Variants in GDA observed in about 807,000 individuals in gnomAD.
The protein encoded by GDA is cytoplasmic PSD-95 interactor.
In GDA, 18 loss-of-function variants were observed where a neutral mutation model predicts 59.6. The ratio of observed to expected loss-of-function variants is 0.30; its 90% confidence interval spans 0.21 to 0.45. The LOEUF is 0.45. GDA is among the 20% of genes least tolerant of loss of function. The pLI, the probability that GDA is intolerant of heterozygous loss-of-function variation, is 1.00. For synonymous variants in GDA, 201 were observed against 201.1 expected (o/e 1.00, Z 0.00); for missense variants, 427 against 552.3 (o/e 0.77, Z 2.27).
intron 7 of GDA, 139 bp downstream of exon 7, chr9:72,223,366 A>G (rs955004410): frequency 1.4e-5 from 8 of 576,842 alleles, no homozygotes; most frequent in Admixed American, 3.5e-5. Context: ...GAGTCACAGC[A>G]TAACAGGAGA....
At chr9:72,196,648 A>G (rs1203924182) in intron 2 of GDA, among the ~76,000 whole-genome samples, 1 of 152,160 alleles carries the variant, frequency 6.6e-6, no homozygotes, top group African/African-American at 2.4e-5. Context: ...ACAGGTATAC[A>G]TGTGCCATGG....
In GDA at chr9:72,219,497, C is replaced by A; in HGVS notation, c.597C>A (p.Leu199=). ...ATTTCAGATTTGTGTCAGAAATGCT[C>A]CAAAAGAACGTGAGTAACTTTGTTC... The part of the protein sequence containing the change: ...KETERFVSEM[L]QKNYSRVKPI... The change falls in exon 6 of 14, where the codon CTC becomes CTA. Residue 199 remains leucine, a synonymous_variant. Coordinates refer to ENST00000358399, the MANE Select transcript of GDA (RefSeq NM_004293.5). The A allele has an allele frequency of 6.3e-7, 1 of 1,599,868 alleles. No individual in the cohort carries two copies. The highest frequency in any genetic ancestry group is 1.1e-5 in the South Asian group (1 of 88,566).
intron 1 of GDA, among the ~76,000 whole-genome samples, chr9:72,175,865 CAAAT>C (rs1020880107): frequency 6.6e-6 from 1 of 152,114 alleles, no homozygotes; most frequent in Non-Finnish European, 1.5e-5. Flanking sequence ...AGACAAAAAA[CAAAT>C]AACCAAAAAG....
At chr9:72,204,643 A>T (rs1455912761) in intron 3 of GDA, among the ~76,000 whole-genome samples, 1 of 152,218 alleles carries the variant, frequency 6.6e-6, no homozygotes, top group Non-Finnish European at 1.5e-5. Context: ...GTGTGGATAG[A>T]CACTATGCTG....
chr9:72,132,428 G>A (rs1826056809), intron 1 of GDA, among the ~76,000 whole-genome samples: 1 of 152,108 alleles, frequency 6.6e-6, no homozygotes. Flanking sequence ...CTAGGACCAT[G>A]GAAAAAACAA....
chr9:72,172,137 GC>G (rs1333447558), intron 1 of GDA, among the ~76,000 whole-genome samples: 3 of 151,996 alleles, frequency 2.0e-5, no homozygotes, highest in Non-Finnish European at 4.4e-5. Context: ...CTGTTCCTGT[GC>G]CCTAGACATG....
intron 10 of GDA, among the ~76,000 whole-genome samples, chr9:72,233,309 T>C (rs1458609160): frequency 6.6e-6 from 1 of 152,144 alleles, no homozygotes; most frequent in East Asian, 1.9e-4. Context: ...TAAAGTGATA[T>C]CACAAACAAT....
At chr9:72,116,862 G>C (rs1825469374) in intron 1 of GDA, among the ~76,000 whole-genome samples, 1 of 151,830 alleles carries the variant, frequency 6.6e-6, no homozygotes, top group African/African-American at 2.4e-5. Flanking sequence ...TGCCATGTTG[G>C]TGTGCTGCAC....
chr9:72,212,587 A>G (rs1835521460), intron 4 of GDA, among the ~76,000 whole-genome samples: 1 of 152,158 alleles, frequency 6.6e-6, no homozygotes, highest in African/African-American at 2.4e-5. Flanking sequence ...ATAGCAGAGA[A>G]CACTGTACAT....
intron 1 of GDA, among the ~76,000 whole-genome samples, chr9:72,158,936 C>T (rs544537018): frequency 1.3e-5 from 2 of 152,110 alleles, no homozygotes; most frequent in South Asian, 2.1e-4. Flanking sequence ...AACGGAGGCT[C>T]GGAGAGTTAC....
At chr9:72,181,125 T>G (rs1249382728) in intron 1 of GDA, among the ~76,000 whole-genome samples, 2 of 152,214 alleles carry the variant, frequency 1.3e-5, no homozygotes, top group Non-Finnish European at 2.9e-5. Context: ...TTTGTGCATT[T>G]TACTTATTTT....
intron 11 of GDA, among the ~76,000 whole-genome samples, chr9:72,243,506 A>ATTT (rs1208408734): frequency 1.3e-5 from 2 of 152,350 alleles, no homozygotes; most frequent in East Asian, 3.9e-4. Context: ...CAAGGGCAAA[A>ATTT]AGAAGTCAAG....
chr9:72,256,905 C>T (rs892408505), downstream of GDA: 4 of 152,238 alleles, frequency 2.6e-5, no homozygotes, highest in Non-Finnish European at 5.9e-5. Context: ...AGAGAAGGCA[C>T]CAGGCTCACT....
At chr9:72,213,666 G>A (rs558735133) in intron 4 of GDA, among the ~76,000 whole-genome samples, 3 of 151,874 alleles carry the variant, frequency 2.0e-5, no homozygotes, top group South Asian at 2.1e-4. Flanking sequence ...AGCCGGGCGC[G>A]GTGGCGGGCG....
At chr9:72,226,763 T>G (rs1015844779) in intron 8 of GDA, among the ~76,000 whole-genome samples, 2 of 152,230 alleles carry the variant, frequency 1.3e-5, no homozygotes, top group East Asian at 1.9e-4. Flanking sequence ...AAATTAACCT[T>G]CCATTTGCAT....
chr9:72,162,597 C>T (rs749963397), intron 1 of GDA, among the ~76,000 whole-genome samples: 24 of 151,648 alleles, frequency 1.6e-4, no homozygotes, highest in Non-Finnish European at 2.8e-4. Context: ...TAGTCATTCC[C>T]GTTAGCCCAA....
chr9:72,198,846 G>T (rs979779412), intron 2 of GDA, among the ~76,000 whole-genome samples: 13 of 128,572 alleles, frequency 1.0e-4, no homozygotes, highest in Non-Finnish European at 1.7e-4. Flanking sequence ...TATATAGGGG[G>T]ATATATATAT....
chr9:72,134,236 G>A (rs1212396909), intron 1 of GDA, among the ~76,000 whole-genome samples: 1 of 152,146 alleles, frequency 6.6e-6, no homozygotes, highest in Admixed American at 6.5e-5. Flanking sequence ...GAGAGCTAGT[G>A]TCATCTTAAA....
intron 10 of GDA, among the ~76,000 whole-genome samples, chr9:72,238,819 C>A (rs1839299789): frequency 6.6e-6 from 1 of 152,160 alleles, no homozygotes; most frequent in Admixed American, 6.5e-5. Flanking sequence ...AGTTTCCACC[C>A]TTTGGTCCTC....
Sources: allele counts gnomAD v4.1 joint callset (sites outside exome capture counted in the v4.1 genomes callset), GRCh38; gene constraint gnomAD v4.1.1; transcripts MANE v1.5; gene names NCBI Gene and HGNC (gene_info 2026-07-23, HGNC 2026-07-21).